GSTO2: variants seen among roughly 807,000 people sequenced by gnomAD.
The protein encoded by GSTO2 is glutathione S-transferase omega 2.
In GSTO2, 23 loss-of-function variants were observed where a neutral mutation model predicts 28.4. That is an observed-to-expected ratio of 0.81 (90% CI 0.58 to 1.15). GSTO2 has a LOEUF of 1.15. Ranked by LOEUF, GSTO2 falls within the 50% of genes most tolerant of loss-of-function variation. The probability of loss-of-function intolerance (pLI) is 0.00; values close to 1 mark genes in which losing one functional copy is unlikely to be tolerated. For synonymous variants in GSTO2, 109 were observed against 111.0 expected, an observed-to-expected ratio of 0.98 and a Z score of 0.11; for missense variants, 298 against 297.8, an observed-to-expected ratio of 1.00 and a Z score of 0.00.
chr10:104,281,826 C>G (rs1413924883), intron 5 of GSTO2, among the ~76,000 whole-genome samples: 1 of 152,088 alleles, frequency 6.6e-6, no homozygotes, highest in Non-Finnish European at 1.5e-5. Flanking sequence ...GTGTTGAGTG[C>G]TAGGCTGGAG....
Position 104,302,174 on chromosome 10 carries a change from T to G in GSTO2, c.*2890T>G, listed in dbSNP as rs1224626402. On this transcript the variant is annotated 3_prime_UTR_variant, in exon 7 of 7. Coordinates refer to ENST00000338595, the MANE Select transcript of GSTO2 (RefSeq NM_183239.2). ...TCTCATGAGAACTCACTCACTGTCA[T>G]GAGAAAAGCATAGGGAAAACACTCC... 1 of 152,108 alleles carries G rather than the reference T, an allele frequency of 6.6e-6. No homozygotes were observed. The highest frequency in any genetic ancestry group is 1.5e-5 in the Non-Finnish European group (1 of 68,022). The allele number at this position is 152,108 out of a possible 1,614,324, so 9.4% of individuals were successfully genotyped here. A position where few individuals can be genotyped will look rare whatever the true frequency, so the allele number is the denominator to read the frequency against.
chr10:104,288,952 G>C (rs190453856), intron 5 of GSTO2, among the ~76,000 whole-genome samples: 4 of 152,236 alleles, frequency 2.6e-5, no homozygotes, highest in African/African-American at 9.6e-5. Flanking sequence ...TGTGTAGGAA[G>C]TCCTCTCCCC....
intron 5 of GSTO2, 168 bp from the exon 6 acceptor site, chr10:104,297,410 C>T: frequency 2.0e-6 from 1 of 502,888 alleles, no homozygotes; most frequent in Non-Finnish European, 3.7e-6. Flanking sequence ...CTAAAAGAGG[C>T]AGAGGAGACC....
chr10:104,289,272 T>A (rs372254234), intron 5 of GSTO2, among the ~76,000 whole-genome samples: 9 of 152,234 alleles, frequency 5.9e-5, no homozygotes, highest in African/African-American at 1.9e-4. Context: ...TTTTGTGTAT[T>A]TTTTGTAGAG....
intron 5 of GSTO2, among the ~76,000 whole-genome samples, chr10:104,287,159 C>T (rs1197527199): frequency 6.6e-6 from 1 of 152,126 alleles, no homozygotes; most frequent in African/African-American, 2.4e-5. Context: ...CTCAAGGGAG[C>T]CTCCCAACTC....
rs2013346547 is a variant in GSTO2, at chr10:104,304,529, TCA to T, written c.*5246_*5247del. 1 of 152,256 alleles carries T rather than the reference TCA, an allele frequency of 6.6e-6. No homozygotes were observed. The allele number at this position is 152,256 out of a possible 1,614,324, so 9.4% of individuals were successfully genotyped here. A position where few individuals can be genotyped will look rare whatever the true frequency, so the allele number is the denominator to read the frequency against. On this transcript the variant is annotated 3_prime_UTR_variant, in exon 7 of 7. Coordinates refer to ENST00000338595, the MANE Select transcript of GSTO2 (RefSeq NM_183239.2). The stretch of plus-strand genomic sequence containing the variant: ...GTAAGTTGCTACACCTCTATTAGCC[TCA>T]GTTTCTTATCTGTAAAATGGGACGG...
chr10:104,285,175 A>AT (rs2012345497), intron 5 of GSTO2, among the ~76,000 whole-genome samples: 1 of 152,258 alleles, frequency 6.6e-6, no homozygotes. Context: ...TGGAATTTGC[A>AT]TAAATTATGT....
At chr10:104,294,138 G>A (rs142093484) in intron 5 of GSTO2, among the ~76,000 whole-genome samples, 3 of 152,228 alleles carry the variant, frequency 2.0e-5, no homozygotes, top group Non-Finnish European at 2.9e-5. Flanking sequence ...TTCCTTCCTG[G>A]TTTTTGACCT....
chr10:104,295,657 C>T (rs1216754356), intron 5 of GSTO2: 1 of 152,194 alleles, frequency 6.6e-6, no homozygotes, highest in Non-Finnish European at 1.5e-5. Context: ...AGGTAAGTTG[C>T]CCCAGGTTCC....
intron 5 of GSTO2, chr10:104,291,443 G>A (rs754209084): frequency 6.6e-6 from 1 of 152,172 alleles, no homozygotes; most frequent in African/African-American, 2.4e-5. Context: ...AGATGTCTGG[G>A]ATTCGCTTCT....
chr10:104,299,371 C>T lies in GSTO2; in HGVS notation c.*87C>T, dbSNP rs901500821. On this transcript the variant is annotated 3_prime_UTR_variant, in exon 7 of 7. Coordinates refer to ENST00000338595, the MANE Select transcript of GSTO2 (RefSeq NM_183239.2). ...GCTTGTCTTGGGAACCAATCCGTCT[C>T]TCTTTCTTTTCTTTGAAGTTCCCAA... is the stretch of plus-strand genomic sequence containing the variant. 7.1e-7 allele frequency: 1 copy of T among 1,418,270 alleles called. No homozygotes were observed. The highest frequency in any genetic ancestry group is 9.6e-7 in the Non-Finnish European group (1 of 1,044,274). 87.9% of individuals were successfully genotyped at this position (1,418,270 alleles called of 1,614,324 possible).
rs1331080929 is a variant in GSTO2, at chr10:104,300,968, G to A, written c.*1684G>A. On this transcript the variant is annotated 3_prime_UTR_variant, in exon 7 of 7. Transcript: ENST00000338595. ...GGACAGAAACAAGCCTGCTTGGTGAGGTGGCCAGAACTTCCAGAAGAGGCA... is the reference window on the plus strand; with the variant it reads ...GGACAGAAACAAGCCTGCTTGGTGAAGTGGCCAGAACTTCCAGAAGAGGCA... 1 of 152,326 alleles carries A rather than the reference G, an allele frequency of 6.6e-6. No individual in the cohort carries two copies. Among genetic ancestry groups the A allele is most frequent in the African/African-American group, 2.4e-5 (1 of 41,464 alleles). 9.4% of individuals were successfully genotyped at this position (152,326 alleles called of 1,614,324 possible). A position where few individuals can be genotyped will look rare whatever the true frequency, so the allele number is the denominator to read the frequency against.
chr10:104,304,740 G>C lies in GSTO2; in HGVS notation c.*5456G>C, dbSNP rs1320206821. 6.6e-6 allele frequency: 1 copy of C among 152,176 alleles called. No homozygotes were observed. The highest frequency in any genetic ancestry group is 1.5e-5 in the Non-Finnish European group (1 of 68,052). 9.4% of individuals were successfully genotyped at this position (152,176 alleles called of 1,614,324 possible). A position where few individuals can be genotyped will look rare whatever the true frequency, so the allele number is the denominator to read the frequency against. On this transcript the variant is annotated 3_prime_UTR_variant, in exon 7 of 7. Transcript: ENST00000338595. The stretch of plus-strand genomic sequence containing the variant: ...TTTGTGGAACTAGATGTCCTACGTT[G>C]CACATGGCTTGATTCATGGTTTGGA...
At chr10:104,299,010 TAAGATAA>T in intron 6 of GSTO2, 111 bp from the exon 7 acceptor site, 1 of 902,710 alleles carries the variant, frequency 1.1e-6, no homozygotes, top group South Asian at 2.0e-5. Flanking sequence ...ATAAGATAAC[TAAGATAA>T]CTTCCCAAAT....
At chr10:104,290,089 C>A (rs2012685617) in intron 5 of GSTO2, among the ~76,000 whole-genome samples, 1 of 152,102 alleles carries the variant, frequency 6.6e-6, no homozygotes, top group African/African-American at 2.4e-5. Flanking sequence ...GGGTACACAC[C>A]CAAAAGAAAG....
At chr10:104,275,645 C>A (rs2011597288) in intron 3 of GSTO2, among the ~76,000 whole-genome samples, 1 of 152,164 alleles carries the variant, frequency 6.6e-6, no homozygotes. Context: ...GAGGCCTTAC[C>A]TGACTGCTCC....
chr10:104,269,795 C>G (rs575638088), intron 1 of GSTO2, among the ~76,000 whole-genome samples: 1 of 152,320 alleles, frequency 6.6e-6, no homozygotes, highest in Non-Finnish European at 1.5e-5. Flanking sequence ...CTGAATGAAA[C>G]CTTCGCAAAC....
At chr10:104,290,530 A>G (rs550149346) in intron 5 of GSTO2, among the ~76,000 whole-genome samples, 1 of 152,152 alleles carries the variant, frequency 6.6e-6, no homozygotes, top group Admixed American at 6.5e-5. Context: ...AAAAGAAAAT[A>G]TAGTACATAT....
chr10:104,277,533 G>A (rs1488952105), intron 3 of GSTO2, among the ~76,000 whole-genome samples: 1 of 152,028 alleles, frequency 6.6e-6, no homozygotes, highest in Non-Finnish European at 1.5e-5. Context: ...TGATCTGCCC[G>A]CCCCAGCCTC....
Sources: gnomAD v4.1 joint callset for allele counts (sites outside exome capture counted in the v4.1 genomes callset) on GRCh38, gnomAD v4.1.1 for gene constraint, MANE v1.5 for transcripts, NCBI Gene and HGNC (gene_info 2026-07-23, HGNC 2026-07-21) for gene names.